The following RBM23 variants were observed in gnomAD, a reference collection of about 807,000 sequenced individuals.
RBM23 encodes probable RNA-binding protein 23.
A neutral mutation model predicts 56.2 loss-of-function variants in RBM23; 53 were observed. The ratio of observed to expected loss-of-function variants is 0.94; its 90% CI spans 0.76 to 1.19. RBM23 has a LOEUF of 1.19. RBM23 is among the 50% of genes most tolerant of loss of function. RBM23 has a pLI of 0.00. For missense variants in RBM23, 642 were observed against 590.3 expected (o/e 1.09, Z -0.91); for synonymous variants, 197 against 198.5 (o/e 0.99, Z 0.06).
rs1018656903 is a variant in RBM23 at position 22,905,178 on chromosome 14, G to A, written c.642C>T (p.Phe214=). Residue 214 remains phenylalanine (F), a synonymous_variant, in exon 8 of 14, where the codon TTC becomes TTT. Transcript: ENST00000359890. ...CCAGTGGCACAGACTGGATTTCACA[G>A]AATTCCACGTAGGCAATGCCCTTAG... The part of the protein sequence containing the change: ...RRSKGIAYVE[F]CEIQSVPLAI... The A allele has an allele frequency of 1.2e-5, 20 of 1,614,182 alleles. No homozygotes were observed. The highest frequency in any genetic ancestry group is 1.7e-5 in the Non-Finnish European group (20 of 1,180,038).
At chr14:22,909,131 C>T (rs1011503344) in intron 3 of RBM23, among the ~76,000 whole-genome samples, 1 of 151,980 alleles carries the variant, frequency 6.6e-6, no homozygotes, top group Non-Finnish European at 1.5e-5. Context: ...TTAGTAGAGA[C>T]GGGGTTTCAC....
Position 22,905,237 on chromosome 14 carries a change from C to T in RBM23, c.583G>A (p.Val195Ile). Reference protein sequence around the residue: ...FFSAVGKVRDVRIISDRNSRR... With the variant: ...FFSAVGKVRDIRIISDRNSRR... ...GAGTTCCGATCTGAGATGATACGTA[C>T]ATCGCGAACCTATCCAGGACGCAAA... The change falls in exon 8 of 14, where the codon GTA becomes ATA. Residue 195 changes from valine to isoleucine, a missense_variant. Physicochemically the swap from Val to Ile is conservative, Grantham distance 29. Coordinates refer to ENST00000359890, the MANE Select transcript of RBM23 (RefSeq NM_001077351.2). 6.2e-7 allele frequency: 1 copy of T among 1,614,158 alleles called. No individual in the cohort carries two copies. The highest frequency in any genetic ancestry group is 8.5e-7 in the Non-Finnish European group (1 of 1,180,030).
intron 1 of RBM23, chr14:22,913,656 T>C (rs984143158): frequency 6.6e-6 from 1 of 151,764 alleles, no homozygotes; most frequent in Non-Finnish European, 1.5e-5. Context: ...GAGACCAGCC[T>C]GGCCAATATG....
Position 22,894,087 on chromosome 14 carries a change from G to A in RBM23, c.*7643C>T, listed in dbSNP as rs2040208564. ...CATGAGGACTAAATAAAAGAGCAAA[G>A]ATCTTTGTAATTTCTCAAGCATTAT... On this transcript the variant is annotated 3_prime_UTR_variant, in exon 14 of 14. Transcript: ENST00000359890. 2.0e-5 allele frequency: 3 copies of A among 152,180 alleles called. No individual in the cohort carries two copies. Among genetic ancestry groups the A allele is most frequent in the Non-Finnish European group, 2.9e-5 (2 of 68,030 alleles). The allele number at this position is 152,180 out of a possible 1,614,324, so 9.4% of individuals were successfully genotyped here. A position where few individuals can be genotyped will look rare whatever the true frequency, so the allele number is the denominator to read the frequency against.
rs750027132 is a variant in RBM23 at position 22,906,288 on chromosome 14, C to T, written c.308G>A (p.Arg103His). Residue 103 changes from arginine (R) to histidine (H), a missense_variant, in exon 5 of 14, where the codon CGT becomes CAT. By Grantham distance (29) the Arg-to-His change is conservative (BLOSUM62 0). Transcript: ENST00000359890. ...ACTACCATGTCGACGATCCCAGCTA[C>T]GGCTACGGTGACGACACTGCCGACC... Reference protein sequence around the residue: ...SPGRQCRHRSRSWDRRHGSES... With the variant: ...SPGRQCRHRSHSWDRRHGSES... The T allele has an allele frequency of 3.4e-5, 55 of 1,614,134 alleles. No homozygotes were observed. The East Asian group carries it at 9.4e-4, about 27-fold the overall frequency.
At chr14:22,911,123 C>T (rs529499469) in intron 2 of RBM23, among the ~76,000 whole-genome samples, 2 of 152,340 alleles carry the variant, frequency 1.3e-5, no homozygotes, top group Non-Finnish European at 1.5e-5. Context: ...GTGCCCACTC[C>T]GGTTTCTGAG....
chr14:22,903,278 G>A (rs1325341456), intron 10 of RBM23: 3 of 985,348 alleles, frequency 3.0e-6, no homozygotes, highest in Admixed American at 6.2e-5. Context: ...CTGGTACAAA[G>A]AGGATTCCCA....
In RBM23 at chr14:22,894,652, G is replaced by A. The variant is rs2040219116; in HGVS notation, c.*7078C>T. ...GAGAATCACTTGAACCCGGGAAGCA[G>A]AGGTTGAAGTGAGCAGAGATCGCAG... On this transcript the variant is annotated 3_prime_UTR_variant, in exon 14 of 14. Transcript: ENST00000359890. 1.3e-5 allele frequency: 2 copies of A among 152,246 alleles called. No individual in the cohort carries two copies. Among genetic ancestry groups the A allele is most frequent in the African/African-American group, 4.8e-5 (2 of 41,452 alleles). 9.4% of individuals were successfully genotyped at this position (152,246 alleles called of 1,614,324 possible). A position where few individuals can be genotyped will look rare whatever the true frequency, so the allele number is the denominator to read the frequency against.
At chr14:22,902,756 C>CCTT (rs1555336814) in intron 10 of RBM23, 5,181 of 459,840 alleles carry the variant, frequency 0.011, 1,691 homozygotes, top group East Asian at 0.067. Context: ...AAGTTTTAGT[C>CCTT]TTTTTTTTTT....
Position 22,900,781 on chromosome 14 carries a change from T to TTATATATATATA in RBM23, c.*948_*949insTATATATATATA, listed in dbSNP as rs112725825. Reference sequence around the variant, plus strand: ...GAGGCTTGCCTTTTGTACAAAGTTTTTATGTATATATATATGTATATATAT... The same window carrying TTATATATATATA: ...GAGGCTTGCCTTTTGTACAAAGTTTTTATATATATATATATGTATATATATATGTATATATAT... On this transcript the variant is annotated 3_prime_UTR_variant, in exon 14 of 14. Transcript: ENST00000359890. The TTATATATATATA allele has an allele frequency of 4.6e-5, 7 of 151,064 alleles. No homozygotes were observed. Among genetic ancestry groups the TTATATATATATA allele is most frequent in the African/African-American group, 1.7e-4 (7 of 40,906 alleles). 9.4% of individuals were successfully genotyped at this position (151,064 alleles called of 1,614,324 possible). A position where few individuals can be genotyped will look rare whatever the true frequency, so the allele number is the denominator to read the frequency against.
At chr14:22,916,175 C>T (rs996937595) in intron 1 of RBM23, among the ~76,000 whole-genome samples, 2 of 152,076 alleles carry the variant, frequency 1.3e-5, no homozygotes, top group African/African-American at 2.4e-5. Context: ...GTGATCATGC[C>T]GCTGCAATCC....
At chr14:22,905,883 A>C in intron 5 of RBM23, 1 of 598,372 alleles carries the variant, frequency 1.7e-6, no homozygotes. Context: ...TTGTGTGGCT[A>C]GGATTACAGA....
chr14:22,903,519 G>A, intron 10 of RBM23: 17 of 986,604 alleles, frequency 1.7e-5, no homozygotes, highest in Non-Finnish European at 2.0e-5. Flanking sequence ...CTAGGCAGGT[G>A]TTATACATGG....
At chr14:22,911,806 G>T (rs374139403) in intron 1 of RBM23, 1 of 154,310 alleles carries the variant, frequency 6.5e-6, no homozygotes, top group South Asian at 2.0e-4. Context: ...AGCTACTCAG[G>T]AGGCTGAGGC....
intron 1 of RBM23, among the ~76,000 whole-genome samples, chr14:22,914,931 C>T (rs531546826): frequency 5.0e-5 from 7 of 140,950 alleles, no homozygotes; most frequent in Non-Finnish European, 9.1e-5. Flanking sequence ...TGCAGTGAGC[C>T]GAGATCACAC....
chr14:22,893,441 T>G lies in RBM23; in HGVS notation c.*8289A>C, dbSNP rs1438632094. 6.6e-6 allele frequency: 1 copy of G among 152,134 alleles called. No individual in the cohort carries two copies. The highest frequency in any genetic ancestry group is 1.5e-5 in the Non-Finnish European group (1 of 68,030). 9.4% of individuals were successfully genotyped at this position (152,134 alleles called of 1,614,324 possible). ...CTTGCAATTAAGCTGGGGAGATGGA[T>G]GAGGTGATACAGCACAAAACAGGCA... On this transcript the variant is annotated 3_prime_UTR_variant, in exon 14 of 14. Transcript: ENST00000359890.
intron 3 of RBM23, chr14:22,908,674 A>G: frequency 3.5e-6 from 1 of 287,800 alleles, no homozygotes; most frequent in Non-Finnish European, 6.5e-6. Flanking sequence ...GATTACATGC[A>G]TGAGCCCCGC....
chr14:22,905,714 G>T, intron 5 of RBM23, 55 bp from the exon 6 acceptor site: 1 of 1,370,590 alleles, frequency 7.3e-7, no homozygotes, highest in Non-Finnish European at 1.0e-6. Context: ...GTCCAATGCT[G>T]GGTCTTCCAT....
At chr14:22,903,992 T>C (rs2041072993) in intron 10 of RBM23, 1 of 1,393,916 alleles carries the variant, frequency 7.2e-7, no homozygotes, top group Non-Finnish European at 9.3e-7. Flanking sequence ...TGGTTACTAT[T>C]ACCCAAAGAG....
Sources: gnomAD v4.1 joint callset for allele counts (sites outside exome capture counted in the v4.1 genomes callset) on GRCh38, gnomAD v4.1.1 for gene constraint, MANE v1.5 for transcripts, NCBI Gene and HGNC (gene_info 2026-07-23, HGNC 2026-07-21) for gene names.